Variants in CHRDL1 observed in about 807,000 individuals in gnomAD.
CHRDL1 encodes chordin like 1, also known as chordin-like protein 1.
A neutral mutation model predicts 40.9 loss-of-function variants in CHRDL1; 19 were observed. The ratio of observed to expected loss-of-function variants is 0.46; its 90% CI spans 0.32 to 0.68. The LOEUF is 0.68. Ranked by LOEUF, CHRDL1 falls within the 30% of genes least tolerant of loss-of-function variation. CHRDL1 has a pLI of 0.03. For missense variants in CHRDL1, 329 were observed against 352.1 expected (o/e 0.93, Z 0.53); for synonymous variants, 136 against 123.4 (o/e 1.10, Z -0.68).
At chrX:110,782,352 G>A (rs2089960353) in intron 2 of CHRDL1, among the ~76,000 whole-genome samples, 1 of 111,688 alleles carries the variant, frequency 9.0e-6, no homozygotes, top group Admixed American at 9.5e-5. Context: ...GACTAATCAA[G>A]GTATGGAAAT....
At chrX:110,735,788 T>C (rs2071253456) in intron 4 of CHRDL1, among the ~76,000 whole-genome samples, 1 of 111,984 alleles carries the variant, frequency 8.9e-6, no homozygotes, top group Non-Finnish European at 1.9e-5. Context: ...GGGAAGTTAT[T>C]TAAGTAGTGA....
chrX:110,719,901 T>C lies in CHRDL1; in HGVS notation c.475A>G (p.Thr159Ala). 8.3e-7 allele frequency: 1 copy of C among 1,198,686 alleles called. No individual in the cohort carries two copies. The highest frequency in any genetic ancestry group is 1.1e-6 in the Non-Finnish European group (1 of 884,408). ...SEGNVYCGLK[T>A]CPKLTCAFPV... ...AAGGCACAGGTTAATTTGGGGCAAG[T>C]CTTGAGACCACAATACACGTTTCCC... Residue 159 changes from threonine (T) to alanine (A), a missense_variant, in exon 6 of 12, where the codon ACT becomes GCT. Coordinates refer to ENST00000372042, the MANE Select transcript of CHRDL1 (RefSeq NM_001143981.2).
intron 2 of CHRDL1, among the ~76,000 whole-genome samples, chrX:110,771,269 T>A (rs1371481080): frequency 1.8e-5 from 2 of 111,810 alleles, no homozygotes; most frequent in Non-Finnish European, 3.8e-5. Context: ...GTGAATTCTA[T>A]CAAACATTCT....
chrX:110,683,765 G>T (rs1207324547), intron 9 of CHRDL1, among the ~76,000 whole-genome samples: 1 of 111,612 alleles, frequency 9.0e-6, no homozygotes, highest in Non-Finnish European at 1.9e-5. Context: ...CATCCCTGGG[G>T]CTGCACAGGG....
At chrX:110,709,732 C>T (rs756357657) in intron 6 of CHRDL1, among the ~76,000 whole-genome samples, 4 of 112,051 alleles carry the variant, frequency 3.6e-5, no homozygotes, top group Admixed American at 1.9e-4. Context: ...CCACTGAGCG[C>T]GGTGACTCAT....
chrX:110,776,944 T>C (rs932171560), intron 2 of CHRDL1, among the ~76,000 whole-genome samples: 1 of 111,370 alleles, frequency 9.0e-6, no homozygotes, highest in African/African-American at 3.3e-5. Flanking sequence ...TCCACTATTA[T>C]AGTATCAAAG....
chrX:110,773,450 C>T (rs777544735), intron 2 of CHRDL1, among the ~76,000 whole-genome samples: 12 of 111,337 alleles, frequency 1.1e-4, no homozygotes, highest in East Asian at 2.8e-4. Context: ...ATTGTAGGGC[C>T]GGGCACGGTG....
intron 4 of CHRDL1, among the ~76,000 whole-genome samples, chrX:110,726,140 A>G (rs995814760): frequency 9.0e-6 from 1 of 111,292 alleles, no homozygotes; most frequent in Non-Finnish European, 1.9e-5. Flanking sequence ...ACAGTGATGC[A>G]AGAGAAGATA....
At chrX:110,757,054 G>C (rs1328300522) in intron 4 of CHRDL1, among the ~76,000 whole-genome samples, 1 of 111,226 alleles carries the variant, frequency 9.0e-6, no homozygotes, top group Non-Finnish European at 1.9e-5. Flanking sequence ...TAGTATGCAT[G>C]GAAAGAATTC....
intron 6 of CHRDL1, among the ~76,000 whole-genome samples, chrX:110,705,300 T>TAC (rs1569467273): frequency 4.6e-5 from 4 of 87,227 alleles, no homozygotes; most frequent in African/African-American, 2.1e-4. Context: ...TATATATATA[T>TAC]ATATACACAC....
At chrX:110,752,577 T>C (rs1055560300) in intron 4 of CHRDL1, among the ~76,000 whole-genome samples, 1 of 110,979 alleles carries the variant, frequency 9.0e-6, no homozygotes, top group Non-Finnish European at 1.9e-5. Flanking sequence ...ATAATAATAA[T>C]AAAGCAAAAT....
At chrX:110,680,233 G>A (rs1288832433) in intron 10 of CHRDL1, among the ~76,000 whole-genome samples, 1 of 111,876 alleles carries the variant, frequency 8.9e-6, no homozygotes, top group African/African-American at 3.3e-5. Context: ...GGCGAAAGAT[G>A]TGGGATGACG....
chrX:110,780,238 C>T (rs1394658558), intron 2 of CHRDL1, among the ~76,000 whole-genome samples: 1 of 110,537 alleles, frequency 9.0e-6, no homozygotes, highest in Admixed American at 9.7e-5. Flanking sequence ...TTTCTTTTGA[C>T]AACAGGAATG....
chrX:110,772,391 C>G (rs1327969880), intron 2 of CHRDL1, among the ~76,000 whole-genome samples: 1 of 113,035 alleles, frequency 8.8e-6, no homozygotes, highest in Non-Finnish European at 1.9e-5. Flanking sequence ...GTAATCCCAG[C>G]ACGTTGGGAG....
At chrX:110,723,041 G>A (rs973399221) in intron 4 of CHRDL1, among the ~76,000 whole-genome samples, 5 of 111,368 alleles carry the variant, frequency 4.5e-5, no homozygotes, top group Admixed American at 9.5e-5. Flanking sequence ...ACGAGGTCAG[G>A]AGATTGAGAC....
At chrX:110,699,720 A>G (rs1327862207) in intron 7 of CHRDL1, among the ~76,000 whole-genome samples, 1 of 112,242 alleles carries the variant, frequency 8.9e-6, no homozygotes, top group Non-Finnish European at 1.9e-5. Context: ...GTTACTTAAC[A>G]TATCTTGGAG....
chrX:110,770,837 C>T (rs2089743952), intron 2 of CHRDL1, among the ~76,000 whole-genome samples: 1 of 111,748 alleles, frequency 8.9e-6, no homozygotes, highest in Non-Finnish European at 1.9e-5. Flanking sequence ...ATTACCAAAG[C>T]TCAATCAAAA....
intron 6 of CHRDL1, among the ~76,000 whole-genome samples, chrX:110,705,281 CTATATA>C (rs10551964): frequency 1.8e-4 from 14 of 76,810 alleles, no homozygotes; most frequent in Non-Finnish European, 2.8e-4. Context: ...GTAATGGAGA[CTATATA>C]TATATATATA....
chrX:110,752,965 A>G (rs2089386529), intron 4 of CHRDL1, among the ~76,000 whole-genome samples: 2 of 111,814 alleles, frequency 1.8e-5, no homozygotes, highest in South Asian at 7.6e-4. Context: ...GAAATGAACT[A>G]AAAGAAGATG....
Sources: allele counts gnomAD v4.1 joint callset (sites outside exome capture counted in the v4.1 genomes callset), GRCh38; gene constraint gnomAD v4.1.1; transcripts MANE v1.5; gene names NCBI Gene and HGNC (gene_info 2026-07-23, HGNC 2026-07-21).